Variants in RHOH observed in about 807,000 individuals in gnomAD.
RHOH encodes rho-related GTP-binding protein RhoH.
In RHOH, 6 loss-of-function variants were observed where a neutral mutation model predicts 13.8. That is an observed-to-expected ratio of 0.44 (90% CI 0.24 to 0.86). RHOH has a LOEUF of 0.86. Among genes scored for constraint, RHOH ranks in the 40% least tolerant of loss-of-function variants. The probability of loss-of-function intolerance (pLI) is 0.24; values close to 1 mark genes in which losing one functional copy is unlikely to be tolerated. For missense variants in RHOH, 147 were observed against 244.5 expected (o/e 0.60, Z 2.66); for synonymous variants, 117 against 103.0 (o/e 1.14, Z -0.82).
chr4:40,196,510 G>C (rs1467719003), upstream of RHOH, among the ~76,000 whole-genome samples: 1 of 152,116 alleles, frequency 6.6e-6, no homozygotes, highest in African/African-American at 2.4e-5. Flanking sequence ...GTGAACGCAC[G>C]GCAGGGGGCT....
chr4:40,221,043 A>G (rs1042442869), intron 1 of RHOH, among the ~76,000 whole-genome samples: 1 of 152,270 alleles, frequency 6.6e-6, no homozygotes, highest in African/African-American at 2.4e-5. Flanking sequence ...TTGTGTTCTT[A>G]GATTATTCCT....
intron 1 of RHOH, among the ~76,000 whole-genome samples, chr4:40,230,497 A>T (rs781443091): frequency 6.7e-6 from 1 of 150,288 alleles, no homozygotes; most frequent in African/African-American, 2.4e-5. Flanking sequence ...GGCCCAGCTA[A>T]TTTTTTTTGT....
intron 1 of RHOH, among the ~76,000 whole-genome samples, chr4:40,226,396 C>G (rs1467559401): frequency 6.6e-6 from 1 of 151,974 alleles, no homozygotes; most frequent in Non-Finnish European, 1.5e-5. Flanking sequence ...TGTGGTGGCG[C>G]ATGCCTGTTA....
chr4:40,214,579 A>G (rs763646669), intron 1 of RHOH, among the ~76,000 whole-genome samples: 48 of 152,348 alleles, frequency 3.2e-4, no homozygotes, highest in Non-Finnish European at 1.3e-4. Context: ...AGCCTACTAC[A>G]TGAAGAGGAT....
chr4:40,238,256 G>A (rs997318462), intron 1 of RHOH, among the ~76,000 whole-genome samples: 31 of 152,166 alleles, frequency 2.0e-4, no homozygotes, highest in African/African-American at 7.0e-4. Context: ...GGTCAAGGAA[G>A]GCTTTCCAGA....
chr4:40,207,817 A>G (rs1368935875), intron 1 of RHOH, among the ~76,000 whole-genome samples: 1 of 152,168 alleles, frequency 6.6e-6, no homozygotes, highest in Non-Finnish European at 1.5e-5. Flanking sequence ...AAATACAAAA[A>G]TTAGCCAGGC....
At chr4:40,200,429 C>T (rs533993235) in intron 1 of RHOH, 1 of 152,030 alleles carries the variant, frequency 6.6e-6, no homozygotes, top group Non-Finnish European at 1.5e-5. Flanking sequence ...TGTCTCATAC[C>T]CCAGCCCTCA....
intron 1 of RHOH, among the ~76,000 whole-genome samples, chr4:40,197,624 G>A (rs1037527086): frequency 1.3e-5 from 2 of 152,150 alleles, no homozygotes; most frequent in Non-Finnish European, 2.9e-5. Context: ...ACTACCCAAG[G>A]TTTGATGAAG....
At chr4:40,196,841 T>A (rs1723193069), upstream of RHOH, 1 of 152,182 alleles carries the variant, frequency 6.6e-6, no homozygotes, top group East Asian at 1.9e-4. Flanking sequence ...GGGTGGGGGA[T>A]AAATTAAACG....
chr4:40,192,809 C>T (rs545413858), upstream of RHOH, among the ~76,000 whole-genome samples: 2 of 152,234 alleles, frequency 1.3e-5, no homozygotes, highest in South Asian at 2.1e-4. Context: ...TCGTTGCCCA[C>T]GGTGGTTCAG....
At chr4:40,215,201 G>A (rs550041142) in intron 1 of RHOH, among the ~76,000 whole-genome samples, 13 of 152,290 alleles carry the variant, frequency 8.5e-5, no homozygotes, top group African/African-American at 3.1e-4. Flanking sequence ...TCAGGAGTGG[G>A]TGCCAAGCTG....
chr4:40,230,850 G>A (rs557590680), intron 1 of RHOH, among the ~76,000 whole-genome samples: 1 of 152,208 alleles, frequency 6.6e-6, no homozygotes, highest in East Asian at 1.9e-4. Flanking sequence ...TCTAGGAATT[G>A]TAAACGAATT....
upstream of RHOH, chr4:40,193,508 G>GAGAGAGAGAGA (rs146365003): frequency 2.9e-4 from 33 of 114,764 alleles, no homozygotes; most frequent in South Asian, 6.0e-4. Context: ...GAGAGAGAGA[G>GAGAGAGAGAGA]GAGAGGAGGG....
intron 1 of RHOH, among the ~76,000 whole-genome samples, chr4:40,211,957 A>G (rs1409458763): frequency 6.6e-6 from 1 of 152,200 alleles, no homozygotes; most frequent in Non-Finnish European, 1.5e-5. Context: ...GTCTAACAGT[A>G]TTCCTCCAGC....
chr4:40,220,397 G>A (rs6856482), intron 1 of RHOH, among the ~76,000 whole-genome samples: 65,172 of 151,642 alleles, frequency 0.43, 16,717 homozygotes, highest in Non-Finnish European at 0.57. Context: ...AGGACGAACC[G>A]GAGAGTGAGG....
rs1400021656 is a variant in RHOH, at chr4:40,238,950, A to C, written c.-330-3764A>C. 2.6e-5 allele frequency among the ~76,000 whole-genome samples: 4 copies of C among 151,734 alleles called. No homozygotes were observed. In the South Asian group the frequency reaches 8.3e-4, roughly 32 times the overall value. On this transcript the variant is annotated intron_variant, in intron 1 of 2. Transcript: ENST00000381799. Reference sequence around the variant, plus strand: ...CTGATGATGTAACCCGCGGCAGCTCACTCCTGGACACATGTGACCCATTCT... The same window carrying C: ...CTGATGATGTAACCCGCGGCAGCTCCCTCCTGGACACATGTGACCCATTCT...
chr4:40,220,795 G>A (rs114619834), intron 1 of RHOH, among the ~76,000 whole-genome samples: 3,943 of 152,154 alleles, frequency 0.026, 89 homozygotes, highest in Middle Eastern at 0.048. Context: ...CTATATATGC[G>A]TAAGCAATGA....
At chr4:40,205,417 T>C (rs1724533772) in intron 1 of RHOH, among the ~76,000 whole-genome samples, 1 of 152,156 alleles carries the variant, frequency 6.6e-6, no homozygotes, top group Admixed American at 6.5e-5. Context: ...AGCCGGTGGG[T>C]AAAGTGCTCC....
chr4:40,234,376 T>C (rs12508817), intron 1 of RHOH, among the ~76,000 whole-genome samples: 95,983 of 152,030 alleles, frequency 0.63, 31,283 homozygotes, highest in Non-Finnish European at 0.7. Flanking sequence ...GTGCTCTGGG[T>C]GGTTGCCTAG....
Sources: gnomAD v4.1 joint callset for allele counts (sites outside exome capture counted in the v4.1 genomes callset) on GRCh38, gnomAD v4.1.1 for gene constraint, MANE v1.5 for transcripts, NCBI Gene and HGNC (gene_info 2026-07-23, HGNC 2026-07-21) for gene names.